TRHDE: variants seen among roughly 807,000 people sequenced by gnomAD.
The protein encoded by TRHDE is thyrotropin releasing hormone degrading enzyme.
A neutral mutation model predicts 125.7 loss-of-function variants in TRHDE; 72 were observed. That is an observed-to-expected ratio of 0.57 (90% CI 0.47 to 0.70). The LOEUF is 0.70. Among genes scored for constraint, TRHDE ranks in the 30% least tolerant of loss-of-function variants. The pLI, the probability that TRHDE is intolerant of heterozygous loss-of-function variation, is 0.00. For missense variants in TRHDE, 1,110 were observed against 1,327.1 expected, an observed-to-expected ratio of 0.84 and a Z score of 2.54; for synonymous variants, 509 against 509.1, an observed-to-expected ratio of 1.00 and a Z score of 0.00.
At chr12:72,594,960 G>A (rs1487436377) in intron 12 of TRHDE, among the ~76,000 whole-genome samples, 1 of 151,840 alleles carries the variant, frequency 6.6e-6, no homozygotes, top group Admixed American at 6.6e-5. Context: ...CATGTCCTTT[G>A]TAGGGACATG....
At chr12:72,476,888 G>T (rs1365689638) in intron 5 of TRHDE, among the ~76,000 whole-genome samples, 1 of 152,068 alleles carries the variant, frequency 6.6e-6, no homozygotes, top group Non-Finnish European at 1.5e-5. Flanking sequence ...TTCTGATATA[G>T]AATTAAGGAA....
In TRHDE at chr12:72,663,125, C is replaced by A. The variant is rs1438485743; in HGVS notation, c.3140C>A (p.Ala1047Asp). ...TCACGAGCTGTGGAAACTGTCGAAG[C>A]CAATGTGCGCTGGAAAATGCTTTAC... ...SFSRAVETVE[A>D]NVRWKMLYQD... Residue 1047 changes from alanine (A) to aspartate (D), a missense_variant, in exon 19 of 19, where the codon GCC becomes GAC. Physicochemically the swap from Ala to Asp is moderately radical, Grantham distance 126 (BLOSUM62 -2). Around this residue, in one of 5 missense-constraint regions of TRHDE, gnomAD observed 527 missense variants for 651.8 expected, o/e 0.81. Transcript: ENST00000261180. 1.1e-5 allele frequency: 18 copies of A among 1,613,004 alleles called. No individual in the cohort carries two copies. The highest frequency in any genetic ancestry group is 1.4e-5 in the Non-Finnish European group (17 of 1,179,486).
At chr12:72,647,430 C>T (rs555329255) in intron 15 of TRHDE, among the ~76,000 whole-genome samples, 1 of 151,556 alleles carries the variant, frequency 6.6e-6, no homozygotes, top group Admixed American at 6.6e-5. Context: ...AAACTATCCA[C>T]ATAGTTAGCA....
At chr12:72,119,998 T>C (rs1875538467) in intron 2 of TRHDE, among the ~76,000 whole-genome samples, 1 of 152,158 alleles carries the variant, frequency 6.6e-6, no homozygotes, top group Admixed American at 6.6e-5. Flanking sequence ...GTCTTTTGAC[T>C]GGAGAGCTTA....
At chr12:72,296,851 G>A (rs920895716) in intron 2 of TRHDE, among the ~76,000 whole-genome samples, 1 of 152,172 alleles carries the variant, frequency 6.6e-6, no homozygotes, top group African/African-American at 2.4e-5. Context: ...ATGAAGAAAT[G>A]GATGTAGTGA....
At chr12:72,263,061 G>A (rs1432664602) in intron 2 of TRHDE, 2 of 152,030 alleles carry the variant, frequency 1.3e-5, no homozygotes, top group Non-Finnish European at 2.9e-5. Flanking sequence ...ATGTAACAGA[G>A]TAAAGGTAAA....
intron 15 of TRHDE, among the ~76,000 whole-genome samples, chr12:72,649,010 A>G (rs1480545633): frequency 2.0e-5 from 3 of 152,092 alleles, no homozygotes; most frequent in African/African-American, 7.2e-5. Context: ...TTCTATCAAA[A>G]TTCCAATGAC....
intron 2 of TRHDE, among the ~76,000 whole-genome samples, chr12:72,373,307 T>C (rs1182805724): frequency 1.3e-5 from 2 of 152,174 alleles, no homozygotes; most frequent in East Asian, 3.9e-4. Flanking sequence ...CAGTGGGGTT[T>C]TCTAGATATA....
intron 1 of TRHDE, among the ~76,000 whole-genome samples, chr12:72,099,137 C>T (rs2204166): frequency 6.6e-6 from 1 of 151,636 alleles, no homozygotes; most frequent in African/African-American, 2.4e-5. Flanking sequence ...GCACTCCAGC[C>T]TGGGCAACAG....
chr12:72,443,335 G>T (rs1047939900), intron 3 of TRHDE, among the ~76,000 whole-genome samples: 1 of 151,350 alleles, frequency 6.6e-6, no homozygotes, highest in Non-Finnish European at 1.5e-5. Context: ...ACTCTAGAAA[G>T]CCTTTTTTGT....
chr12:72,179,883 C>T (rs115604568), intron 2 of TRHDE, among the ~76,000 whole-genome samples: 1,654 of 152,142 alleles, frequency 0.011, 30 homozygotes, highest in African/African-American at 0.038. Context: ...ATTGCGTCTA[C>T]TTGTGATTCT....
rs764374137 is a variant in TRHDE at position 72,568,664 on chromosome 12, A to G, written c.2131+8A>G. The stretch of plus-strand genomic sequence containing the variant: ...GGGTGTCTAACAAATCAGGTAAACT[A>G]TATATTCTCCCCTGAGGAAGTATCT... On this transcript the variant is annotated splice_region_variant and intron_variant, in intron 10 of 18. Transcript: ENST00000261180. The G allele has an allele frequency of 5.0e-6, 8 of 1,584,834 alleles. No individual in the cohort carries two copies. The highest frequency in any genetic ancestry group is 6.9e-6 in the Non-Finnish European group (8 of 1,154,738).
chr12:72,472,010 C>A (rs184911240), intron 4 of TRHDE, among the ~76,000 whole-genome samples: 91 of 152,268 alleles, frequency 6.0e-4, no homozygotes, highest in African/African-American at 2.0e-3. Flanking sequence ...ATTCTCCTTC[C>A]CAAGCCTTTC....
At chr12:72,235,203 T>C (rs917108119) in intron 2 of TRHDE, among the ~76,000 whole-genome samples, 1 of 152,204 alleles carries the variant, frequency 6.6e-6, no homozygotes, top group Non-Finnish European at 1.5e-5. Context: ...CATCATGTTC[T>C]TGATAGGGGT....
chr12:72,581,934 CTACTAAAAATACAAAAAAT>C (rs1871249460), intron 12 of TRHDE, among the ~76,000 whole-genome samples: 1 of 151,666 alleles, frequency 6.6e-6, no homozygotes, highest in Non-Finnish European at 1.5e-5. Flanking sequence ...AACCCCATCT[CTACTAAAAATACAAAAAAT>C]TAGCCGGGCA....
At chr12:72,230,328 TAAAG>T (rs1878222862) in intron 2 of TRHDE, among the ~76,000 whole-genome samples, 1 of 152,202 alleles carries the variant, frequency 6.6e-6, no homozygotes, top group Non-Finnish European at 1.5e-5. Context: ...TCTATTATGA[TAAAG>T]AAAGCAGCTG....
chr12:72,369,144 A>G (rs777432270), intron 2 of TRHDE, among the ~76,000 whole-genome samples: 20 of 152,202 alleles, frequency 1.3e-4, no homozygotes, highest in Non-Finnish European at 2.5e-4. Flanking sequence ...ATAAACATTT[A>G]TAGCGAGTCC....
intron 3 of TRHDE, among the ~76,000 whole-genome samples, chr12:72,407,170 T>C (rs1873302213): frequency 6.6e-6 from 1 of 152,164 alleles, no homozygotes; most frequent in African/African-American, 2.4e-5. Context: ...CTCTGAAAGC[T>C]AGATGGGGAA....
intron 2 of TRHDE, among the ~76,000 whole-genome samples, chr12:72,316,172 T>C (rs1012277426): frequency 3.3e-5 from 5 of 152,152 alleles, no homozygotes; most frequent in Non-Finnish European, 5.9e-5. Context: ...GACACTGATA[T>C]ATTTACTTGG....
Sources: allele counts gnomAD v4.1 joint callset (sites outside exome capture counted in the v4.1 genomes callset), GRCh38; gene constraint gnomAD v4.1.1; regional missense constraint gnomAD v4.1.1; transcripts MANE v1.5; gene names NCBI Gene and HGNC (gene_info 2026-07-23, HGNC 2026-07-21).